Variants in SLC23A2 observed in about 807,000 individuals in gnomAD.
SLC23A2 encodes the protein Na(+)/L-ascorbic acid transporter 2.
Under a neutral mutation model 73.3 loss-of-function variants are expected in SLC23A2, and 36 were observed. That is an observed-to-expected ratio of 0.49 (90% CI 0.38 to 0.65). The LOEUF (loss-of-function observed/expected upper bound fraction) is 0.65. Among genes scored for constraint, SLC23A2 ranks in the 30% least tolerant of loss-of-function variants. The pLI, the probability that SLC23A2 is intolerant of heterozygous loss-of-function variation, is 0.00. For missense variants in SLC23A2, 507 were observed against 841.6 expected (o/e 0.60, Z 4.92); for synonymous variants, 343 against 327.3 (o/e 1.05, Z -0.52).
chr20:4,931,602 G>GA (rs1932791545), intron 3 of SLC23A2, among the ~76,000 whole-genome samples: 1 of 151,958 alleles, frequency 6.6e-6, no homozygotes, highest in South Asian at 2.1e-4. Flanking sequence ...ACAAAAAGTA[G>GA]AAAAAATTAG....
chr20:4,880,912 C>T (rs1364736500), intron 9 of SLC23A2, among the ~76,000 whole-genome samples: 1 of 152,126 alleles, frequency 6.6e-6, no homozygotes, highest in Non-Finnish European at 1.5e-5. Flanking sequence ...AGGAGGACCC[C>T]TGGGAGACAT....
chr20:4,914,719 C>T (rs1932266454), intron 3 of SLC23A2, among the ~76,000 whole-genome samples: 1 of 152,128 alleles, frequency 6.6e-6, no homozygotes, highest in Non-Finnish European at 1.5e-5. Context: ...TTATTATACA[C>T]TCATTTAGAG....
intron 2 of SLC23A2, among the ~76,000 whole-genome samples, chr20:4,968,984 G>A (rs2087519085): frequency 6.6e-6 from 1 of 152,084 alleles, no homozygotes; most frequent in Non-Finnish European, 1.5e-5. Context: ...GCCTCCCAAA[G>A]TGCTGGGATT....
intron 2 of SLC23A2, among the ~76,000 whole-genome samples, chr20:4,962,386 A>C (rs2087407106): frequency 6.6e-6 from 1 of 152,150 alleles, no homozygotes; most frequent in African/African-American, 2.4e-5. Flanking sequence ...GCAGGTAAAA[A>C]GGACTGGGGA....
At chr20:4,933,262 C>T (rs1320518343) in intron 2 of SLC23A2, among the ~76,000 whole-genome samples, 2 of 152,054 alleles carry the variant, frequency 1.3e-5, no homozygotes, top group Non-Finnish European at 2.9e-5. Context: ...ATTCTACATT[C>T]CCTACATGTG....
chr20:4,870,079 G>A, intron 11 of SLC23A2, 26 bp from the exon 12 acceptor site: 1 of 1,559,762 alleles, frequency 6.4e-7, no homozygotes, highest in Non-Finnish European at 8.7e-7. Flanking sequence ...AACCATGAAT[G>A]CTCCTAGAGA....
chr20:4,984,899 G>A (rs915503466), intron 1 of SLC23A2, among the ~76,000 whole-genome samples: 3 of 152,156 alleles, frequency 2.0e-5, no homozygotes, highest in Non-Finnish European at 2.9e-5. Flanking sequence ...AGCACTTTGG[G>A]AGGCCAATGC....
intron 1 of SLC23A2, among the ~76,000 whole-genome samples, chr20:4,973,419 T>C (rs910136682): frequency 3.1e-4 from 47 of 152,248 alleles, no homozygotes; most frequent in Middle Eastern, 6.8e-3. Context: ...AAAGACATGT[T>C]TTTGGAGAGT....
At chr20:4,907,895 C>T (rs1198483903) in intron 4 of SLC23A2, among the ~76,000 whole-genome samples, 2 of 151,712 alleles carry the variant, frequency 1.3e-5, no homozygotes, top group South Asian at 2.1e-4. Context: ...TTAAGGGAAA[C>T]TGGAAATAAA....
In SLC23A2 at chr20:4,899,285, G is replaced by A; in HGVS notation, c.482+270C>T. Among the ~76,000 whole-genome samples the A allele has an allele frequency of 6.6e-6, 1 of 152,162 alleles. No individual in the cohort carries two copies. The highest frequency in any genetic ancestry group is 1.9e-4 in the East Asian group (1 of 5,184). On this transcript the variant is annotated intron_variant, in intron 6 of 16. Transcript: ENST00000338244. The surrounding 1 kb of genome is among the most constrained non-coding windows in gnomAD (Gnocchi z 4.9). ...GGCACAGAGGGGTGCTGGGGAGCGA[G>A]CATGACTTGCCAAGGGGGCAGGGGA...
At chr20:4,930,470 T>TA (rs1932776935) in intron 3 of SLC23A2, among the ~76,000 whole-genome samples, 1 of 152,154 alleles carries the variant, frequency 6.6e-6, no homozygotes, top group Admixed American at 6.5e-5. Context: ...TAATACAATT[T>TA]AAAAAAATAA....
In SLC23A2 at chr20:4,899,858, T is replaced by A; in HGVS notation, c.325-146A>T. 1.2e-6 allele frequency: 1 copy of A among 801,074 alleles called. No homozygotes were observed. Among genetic ancestry groups the A allele is most frequent in the Non-Finnish European group, 1.9e-6 (1 of 513,858 alleles). The allele number at this position is 801,074 out of a possible 1,614,324, so 49.6% of individuals were successfully genotyped here. On this transcript the variant is annotated intron_variant, in intron 5 of 16. Coordinates refer to ENST00000338244, the MANE Select transcript of SLC23A2 (RefSeq NM_005116.6). The surrounding 1 kb of genome is among the most constrained non-coding windows in gnomAD (Gnocchi z 4.9). ...GTTTTTCGACCAAGCCATACTTTTTTCCTTCTTTTTCAGTATTTCTCCTTT... is the reference window on the plus strand; with the variant it reads ...GTTTTTCGACCAAGCCATACTTTTTACCTTCTTTTTCAGTATTTCTCCTTT...
intron 2 of SLC23A2, among the ~76,000 whole-genome samples, chr20:4,960,967 T>G (rs1342302451): frequency 6.6e-6 from 1 of 152,172 alleles, no homozygotes; most frequent in Admixed American, 6.5e-5. Context: ...ATATACAGTC[T>G]GAACACACAA....
intron 4 of SLC23A2, among the ~76,000 whole-genome samples, chr20:4,905,246 A>G (rs1931899752): frequency 6.6e-6 from 1 of 152,192 alleles, no homozygotes; most frequent in African/African-American, 2.4e-5. Context: ...CAACTCAGAA[A>G]CAAAACTAGT....
Position 4,868,929 on chromosome 20 carries a change from A to C in SLC23A2, c.1250+977T>G, listed in dbSNP as rs1294272553. 1 of 152,220 alleles carries C rather than the reference A, an allele frequency of 6.6e-6. No homozygotes were observed. Among genetic ancestry groups the C allele is most frequent in the East Asian group, 1.9e-4 (1 of 5,202 alleles). The allele number at this position is 152,220 out of a possible 1,614,324, so 9.4% of individuals were successfully genotyped here. A position where few individuals can be genotyped will look rare whatever the true frequency, so the allele number is the denominator to read the frequency against. On this transcript the variant is annotated intron_variant, in intron 12 of 16. Transcript: ENST00000338244. The surrounding 1 kb of genome is among the most constrained non-coding windows in gnomAD (Gnocchi z 4.4). The stretch of plus-strand genomic sequence containing the variant: ...TGCTATTCCTGTCCCTATTTATATA[A>C]ACTGTAACTGTGCATAGATTACACA...
chr20:4,941,955 T>C (rs1395781540), intron 2 of SLC23A2, among the ~76,000 whole-genome samples: 1 of 152,214 alleles, frequency 6.6e-6, no homozygotes, highest in East Asian at 1.9e-4. Context: ...TGTTGAGTGA[T>C]AGAAACACAA....
At position 4,862,699 on chromosome 20, in the gene SLC23A2, A is replaced by C. The variant is rs142668610; in HGVS notation, c.1486+79T>G. 164 of 1,296,568 alleles carry C rather than the reference A, an allele frequency of 1.3e-4. No individual in the cohort carries two copies. The highest frequency in any genetic ancestry group is 5.8e-4 in the Middle Eastern group (3 of 5,168). 80.3% of individuals were successfully genotyped at this position (1,296,568 alleles called of 1,614,324 possible). The stretch of plus-strand genomic sequence containing the variant: ...GAAATTTATCGTTACCTTCTTACTG[A>C]AGGGAGTCAGCAAAAACACCATGAC... On this transcript the variant is annotated intron_variant, in intron 14 of 16. Coordinates refer to ENST00000338244, the MANE Select transcript of SLC23A2 (RefSeq NM_005116.6). This position sits in a 1 kb window ranked among gnomAD's most constrained non-coding sequence, Gnocchi z 5.1.
upstream of SLC23A2, among the ~76,000 whole-genome samples, chr20:5,004,328 T>A (rs1315237132): frequency 1.3e-5 from 2 of 152,198 alleles, no homozygotes; most frequent in Non-Finnish European, 2.9e-5. Context: ...GTCCACTCTG[T>A]CACCTGTGGT....
intron 6 of SLC23A2, among the ~76,000 whole-genome samples, chr20:4,894,841 T>C (rs988087814): frequency 1.3e-5 from 2 of 152,214 alleles, no homozygotes; most frequent in Non-Finnish European, 2.9e-5. Flanking sequence ...CTCTGATCAT[T>C]TTTATAGAAT....
Sources: allele counts gnomAD v4.1 joint callset (sites outside exome capture counted in the v4.1 genomes callset), GRCh38; gene constraint gnomAD v4.1.1; non-coding constraint Gnocchi (gnomAD v3.1); transcripts MANE v1.5; gene names NCBI Gene and HGNC (gene_info 2026-07-23, HGNC 2026-07-21).